PCDHGA3: variants seen among roughly 807,000 people sequenced by gnomAD.
The protein encoded by PCDHGA3 is protocadherin gamma-A3.
PCDHGA3 carries 40 observed loss-of-function variants against 58.5 expected under a neutral mutation model. That is an observed-to-expected ratio of 0.68 (90% CI 0.53 to 0.89). PCDHGA3 has a LOEUF of 0.89. PCDHGA3 is among the 40% of genes least tolerant of loss of function. The probability of loss-of-function intolerance (pLI) is 0.00; values close to 1 mark genes in which losing one functional copy is unlikely to be tolerated. For synonymous variants in PCDHGA3, 530 were observed against 525.7 expected (o/e 1.01, Z -0.11); for missense variants, 1,223 against 1,195.9 (o/e 1.02, Z -0.33).
intron 1 of PCDHGA3, chr5:141,430,838 G>C (rs866767896): frequency 1.3e-6 from 2 of 1,563,026 alleles, no homozygotes; most frequent in Middle Eastern, 1.7e-4. Context: ...GTGGGAGACC[G>C]GATGCACCCA....
chr5:141,350,752 G>C, intron 1 of PCDHGA3: 1 of 1,613,936 alleles, frequency 6.2e-7, no homozygotes, highest in Non-Finnish European at 8.5e-7. Flanking sequence ...GCAATTCACT[G>C]AAGTTATACA....
chr5:141,382,985 G>A (rs769787880), intron 1 of PCDHGA3: 50 of 1,613,304 alleles, frequency 3.1e-5, no homozygotes, highest in Non-Finnish European at 4.2e-5. Flanking sequence ...GCCTGGGCAG[G>A]ACGTATTCTC....
chr5:141,363,646 A>C (rs969938262), intron 1 of PCDHGA3, among the ~76,000 whole-genome samples: 2 of 152,252 alleles, frequency 1.3e-5, no homozygotes, highest in African/African-American at 4.8e-5. Flanking sequence ...CACAAGTAAC[A>C]AAGATCTTTA....
chr5:141,404,564 G>A, intron 1 of PCDHGA3: 1 of 1,613,890 alleles, frequency 6.2e-7, no homozygotes. Flanking sequence ...AAGTGACAGT[G>A]GAAGCCCACC....
intron 1 of PCDHGA3, chr5:141,389,833 C>T (rs1561628239): frequency 6.2e-7 from 1 of 1,613,996 alleles, no homozygotes; most frequent in East Asian, 2.2e-5. Flanking sequence ...GGTGGACAGC[C>T]ACCACTCTCG....
chr5:141,508,599 G>T lies in PCDHGA3; in HGVS notation c.2573-2348G>T, dbSNP rs948748985. On this transcript the variant is annotated intron_variant, in intron 3 of 3. Coordinates refer to ENST00000253812, the MANE Select transcript of PCDHGA3 (RefSeq NM_018916.4). ...CTCGGGGTGCTACTCAGAGATCTTGGGTGCACATAGGACGTGGGTGGGCCG... is the reference window on the plus strand; with the variant it reads ...CTCGGGGTGCTACTCAGAGATCTTGTGTGCACATAGGACGTGGGTGGGCCG... Among the ~76,000 whole-genome samples the T allele has an allele frequency of 3.9e-5, 6 of 152,212 alleles. No individual in the cohort carries two copies. The South Asian group carries it at 1.2e-3, about 32-fold the overall frequency.
rs114740440 is a variant in PCDHGA3 at position 141,426,595 on chromosome 5, C to T, written c.2425-68212C>T. The T allele has an allele frequency of 4.0e-3, 1,518 of 375,912 alleles. 5 individuals carry two copies. Among genetic ancestry groups the T allele is most frequent in the Non-Finnish European group, 5.9e-3 (1,105 of 185,722 alleles). 23.3% of individuals were successfully genotyped at this position (375,912 alleles called of 1,614,324 possible). ...GTCTTCAAAATCCTCTGTGTCATAC[C>T]CTTAGAGATTGTAGCAGAGAATCCT... On this transcript the variant is annotated intron_variant, in intron 1 of 3. Coordinates refer to ENST00000253812, the MANE Select transcript of PCDHGA3 (RefSeq NM_018916.4).
At chr5:141,370,551 G>C in intron 1 of PCDHGA3, 13 of 1,613,928 alleles carry the variant, frequency 8.1e-6, no homozygotes, top group Non-Finnish European at 1.0e-5. Flanking sequence ...CCTCGCCAAG[G>C]ACCTGGGGTT....
At chr5:141,355,411 A>AG (rs1229708601) in intron 1 of PCDHGA3, 1 of 1,613,986 alleles carries the variant, frequency 6.2e-7, no homozygotes, top group Non-Finnish European at 8.5e-7. Flanking sequence ...CTCCAGAGGT[A>AG]GGACGCAGCT....
At chr5:141,351,687 A>T in intron 1 of PCDHGA3, 1 of 1,613,944 alleles carries the variant, frequency 6.2e-7, no homozygotes, top group East Asian at 2.2e-5. Context: ...TCCGACCCGG[A>T]TTTGGGACCC....
chr5:141,507,151 G>C (rs1423834553), intron 3 of PCDHGA3: 2 of 152,192 alleles, frequency 1.3e-5, no homozygotes, highest in African/African-American at 4.8e-5. Context: ...TATTACCTGA[G>C]CAGGATGAGA....
intron 1 of PCDHGA3, among the ~76,000 whole-genome samples, chr5:141,405,769 C>T (rs1363688527): frequency 2.6e-5 from 4 of 152,080 alleles, no homozygotes; most frequent in Non-Finnish European, 2.9e-5. Context: ...TGAGCCACTG[C>T]GCCTGGCCCT....
At chr5:141,381,409 G>T (rs998398001) in intron 1 of PCDHGA3, among the ~76,000 whole-genome samples, 1 of 152,220 alleles carries the variant, frequency 6.6e-6, no homozygotes, top group Non-Finnish European at 1.5e-5. Context: ...CAACATCAGT[G>T]GAGAGACGAG....
intron 2 of PCDHGA3, among the ~76,000 whole-genome samples, chr5:141,500,844 T>C (rs190011905): frequency 6.6e-6 from 1 of 152,204 alleles, no homozygotes; most frequent in Non-Finnish European, 1.5e-5. Flanking sequence ...AATGGGCTTT[T>C]GCTACATTAG....
intron 1 of PCDHGA3, chr5:141,371,954 C>T (rs1182311011): frequency 6.2e-7 from 1 of 1,613,274 alleles, no homozygotes; most frequent in Non-Finnish European, 8.5e-7. Flanking sequence ...AGCGAGCCTT[C>T]GACCACGAGC....
intron 1 of PCDHGA3, among the ~76,000 whole-genome samples, chr5:141,369,528 C>T (rs952225187): frequency 6.6e-6 from 1 of 152,120 alleles, no homozygotes; most frequent in Non-Finnish European, 1.5e-5. Context: ...TTCAATCATA[C>T]TTATTTAATT....
chr5:141,422,877 C>A, intron 1 of PCDHGA3: 1 of 1,614,246 alleles, frequency 6.2e-7, no homozygotes. Context: ...TGTCGCTGAG[C>A]CTGTTCGTGC....
At chr5:141,456,215 C>T (rs1465130067) in intron 1 of PCDHGA3, among the ~76,000 whole-genome samples, 2 of 152,048 alleles carry the variant, frequency 1.3e-5, no homozygotes, top group African/African-American at 2.4e-5. Flanking sequence ...CTCCCTGTGG[C>T]GATATCAAAC....
intron 1 of PCDHGA3, chr5:141,389,283 GC>G (rs775524674): frequency 6.2e-7 from 1 of 1,614,022 alleles, no homozygotes; most frequent in South Asian, 1.1e-5. Context: ...CCCGCCTGGA[GC>G]CTCTATTTCA....
Sources: gnomAD v4.1 joint callset for allele counts (sites outside exome capture counted in the v4.1 genomes callset) on GRCh38, gnomAD v4.1.1 for gene constraint, MANE v1.5 for transcripts, NCBI Gene and HGNC (gene_info 2026-07-23, HGNC 2026-07-21) for gene names.